The following PPM1B variants were observed in gnomAD, a reference collection of about 807,000 sequenced individuals.
PPM1B encodes the protein protein phosphatase 1B.
A neutral mutation model predicts 43.0 loss-of-function variants in PPM1B; 22 were observed. The observed-to-expected ratio is 0.51, with a 90% CI of 0.37 to 0.73. The LOEUF is 0.73. Among genes scored for constraint, PPM1B ranks in the 30% least tolerant of loss-of-function variants. The pLI is 0.00. For synonymous variants in PPM1B, 217 were observed against 197.9 expected (o/e 1.10, Z -0.81); for missense variants, 632 against 584.2 (o/e 1.08, Z -0.84).
downstream of PPM1B, chr2:44,231,496 T>A: frequency 1.1e-6 from 1 of 948,610 alleles, no homozygotes; most frequent in Non-Finnish European, 1.3e-6. Flanking sequence ...TATTTTTGAA[T>A]TAATTTTTTA....
chr2:44,218,700 G>A (rs1055100174), intron 5 of PPM1B, 163 bp downstream of exon 5: 2 of 583,202 alleles, frequency 3.4e-6, no homozygotes, highest in Non-Finnish European at 6.0e-6. Flanking sequence ...AAAATGTATT[G>A]AAATGAAGGT....
chr2:44,197,614 T>C (rs528813328), intron 1 of PPM1B, among the ~76,000 whole-genome samples: 7 of 152,162 alleles, frequency 4.6e-5, no homozygotes, highest in Non-Finnish European at 8.8e-5. Flanking sequence ...TATATAACTA[T>C]TATTTATTTT....
chr2:44,185,814 A>G (rs1303849274), intron 1 of PPM1B, among the ~76,000 whole-genome samples: 3 of 152,336 alleles, frequency 2.0e-5, no homozygotes, highest in Non-Finnish European at 4.4e-5. Context: ...AATTATAATG[A>G]AAACTGTAAA....
At chr2:44,189,009 C>T (rs961390022) in intron 1 of PPM1B, among the ~76,000 whole-genome samples, 1 of 152,044 alleles carries the variant, frequency 6.6e-6, no homozygotes, top group African/African-American at 2.4e-5. Context: ...GCTGGGACTA[C>T]AGGCATGCCG....
At chr2:44,229,984 CT>C in intron 5 of PPM1B, 1 of 1,574,522 alleles carries the variant, frequency 6.4e-7, no homozygotes, top group Non-Finnish European at 8.7e-7. Context: ...GTATTTCCTA[CT>C]TATTTAGCAG....
At chr2:44,213,259 G>A (rs1280586423) in intron 3 of PPM1B, among the ~76,000 whole-genome samples, 1 of 150,846 alleles carries the variant, frequency 6.6e-6, no homozygotes, top group South Asian at 2.1e-4. Flanking sequence ...CTTTGTGGGA[G>A]GACTTTGATA....
intron 1 of PPM1B, among the ~76,000 whole-genome samples, chr2:44,185,899 ATAC>A (rs1419063199): frequency 6.6e-6 from 1 of 152,226 alleles, no homozygotes; most frequent in Non-Finnish European, 1.5e-5. Flanking sequence ...AATGCCACTG[ATAC>A]TACAGTTCAT....
At chr2:44,195,581 G>A (rs753434013) in intron 1 of PPM1B, among the ~76,000 whole-genome samples, 13 of 152,136 alleles carry the variant, frequency 8.5e-5, no homozygotes, top group Admixed American at 1.3e-4. Flanking sequence ...CACTTTTGAT[G>A]TGGGAGGATT....
chr2:44,231,202 A>G lies in PPM1B; in HGVS notation c.*484A>G, dbSNP rs529944852. ...GCCTGTAATTTTTCTTTCAAGGATG[A>G]TAATTTGTGTGTTGTTTGATTTGTT... is the stretch of plus-strand genomic sequence containing the variant. On this transcript the variant is annotated 3_prime_UTR_variant, in exon 6 of 6. Transcript: ENST00000282412. The G allele has an allele frequency of 2.0e-6, 2 of 984,348 alleles. No individual in the cohort carries two copies. Among genetic ancestry groups the G allele is most frequent in the South Asian group, 4.7e-5 (1 of 21,280 alleles). 61.0% of individuals were successfully genotyped at this position (984,348 alleles called of 1,614,324 possible).
intron 1 of PPM1B, among the ~76,000 whole-genome samples, chr2:44,169,489 C>T (rs1038037882): frequency 6.6e-6 from 1 of 152,228 alleles, no homozygotes; most frequent in African/African-American, 2.4e-5. Flanking sequence ...CCGCCGCCTC[C>T]GCTGGGCTGA....
chr2:44,236,257 A>C (rs1670607072), downstream of PPM1B, among the ~76,000 whole-genome samples: 1 of 151,568 alleles, frequency 6.6e-6, no homozygotes, highest in Admixed American at 6.6e-5. Flanking sequence ...AAAAAAATTA[A>C]CTTGGTGTGG....
In PPM1B at chr2:44,218,042, T is replaced by G; in HGVS notation, c.1040T>G (p.Ile347Ser). The stretch of plus-strand genomic sequence containing the variant: ...ATGCGCATCTTGTCTGCAGAAAATA[T>G]CCCAAATTTGCCTCCTGGGGGAGGT... ...HVMRILSAEN[I>S]PNLPPGGGLA... The change falls in exon 4 of 6, where the codon ATC (isoleucine) becomes AGC (serine). Residue 347 changes from isoleucine (I) to serine (S), a missense_variant. Physicochemically the swap from Ile to Ser is moderately radical, Grantham distance 142 (BLOSUM62 -2). Around this residue, in one of 3 missense-constraint regions of PPM1B, gnomAD observed 392 missense variants for 302.7 expected, o/e 1.29. Coordinates refer to ENST00000282412, the MANE Select transcript of PPM1B (RefSeq NM_002706.6). 1.2e-6 allele frequency: 2 copies of G among 1,613,228 alleles called. No individual in the cohort carries two copies. Among genetic ancestry groups the G allele is most frequent in the Non-Finnish European group, 1.7e-6 (2 of 1,179,766 alleles).
intron 3 of PPM1B, 34 bp from the exon 4 acceptor site, chr2:44,217,933 A>G: frequency 1.4e-6 from 2 of 1,452,460 alleles, no homozygotes; most frequent in Non-Finnish European, 1.9e-6. Flanking sequence ...GGCTTATCAC[A>G]TTAATTTAGG....
downstream of PPM1B, chr2:44,233,930 GTT>G: frequency 7.1e-6 from 7 of 985,336 alleles, no homozygotes; most frequent in Non-Finnish European, 8.4e-6. Context: ...ATGCAAAATG[GTT>G]TATCGTTCAA....
At chr2:44,212,049 T>C (rs576667639) in intron 3 of PPM1B, among the ~76,000 whole-genome samples, 1 of 152,154 alleles carries the variant, frequency 6.6e-6, no homozygotes, top group East Asian at 1.9e-4. Flanking sequence ...CGCGCCTGGT[T>C]TAGTCATTCT....
chr2:44,241,311 T>G lies in PPM1B; in HGVS notation n.1547-2917T>G, dbSNP rs147934245. Among the ~76,000 whole-genome samples the G allele has an allele frequency of 1.1e-3, 154 of 144,016 alleles. 15 individuals are homozygous for G. The highest frequency in any genetic ancestry group is 3.5e-3 in the African/African-American group (143 of 40,526). 94.5% of individuals were successfully genotyped at this position (144,016 alleles called of 152,430 possible). A position where few individuals can be genotyped will look rare whatever the true frequency, so the allele number is the denominator to read the frequency against. On this transcript the variant is annotated intron_variant and non_coding_transcript_variant, in intron 5 of 5. Coordinates refer to the PPM1B transcript ENST00000378540. Reference sequence around the variant, plus strand: ...AGCCACCGTGCCCGGCCAGGAAGCATCTTAACAATTGTCTTTGACTAAGGC... The same window carrying G: ...AGCCACCGTGCCCGGCCAGGAAGCAGCTTAACAATTGTCTTTGACTAAGGC...
At chr2:44,172,429 G>A (rs189320253) in intron 1 of PPM1B, among the ~76,000 whole-genome samples, 1 of 152,290 alleles carries the variant, frequency 6.6e-6, no homozygotes, top group Non-Finnish European at 1.5e-5. Flanking sequence ...CATAAAATTT[G>A]CAGAATGACA....
chr2:44,236,427 A>AAAAAAAAAAAAAAAAAAAT (rs1670615825), downstream of PPM1B, among the ~76,000 whole-genome samples: 2 of 148,426 alleles, frequency 1.3e-5, no homozygotes, highest in Admixed American at 6.8e-5. Context: ...AAAAAAAAAA[A>AAAAAAAAAAAAAAAAAAAT]GTTGTAATGA....
chr2:44,191,005 A>C (rs533718163), intron 1 of PPM1B, among the ~76,000 whole-genome samples: 1 of 152,326 alleles, frequency 6.6e-6, no homozygotes, highest in East Asian at 1.9e-4. Flanking sequence ...GATTTAACAG[A>C]CATTAACATT....
Sources: gnomAD v4.1 joint callset for allele counts (sites outside exome capture counted in the v4.1 genomes callset) on GRCh38, gnomAD v4.1.1 for gene constraint, gnomAD v4.1.1 regional missense constraint, MANE v1.5 for transcripts, NCBI Gene and HGNC (gene_info 2026-07-23, HGNC 2026-07-21) for gene names.